Variants in GABRG3 observed in about 807,000 individuals in gnomAD.
The protein encoded by GABRG3 is gamma-aminobutyric acid receptor subunit gamma-3.
A neutral mutation model predicts 48.8 loss-of-function variants in GABRG3; 25 were observed. The ratio of observed to expected loss-of-function variants is 0.51; its 90% CI spans 0.37 to 0.72. The LOEUF is 0.72. Among genes scored for constraint, GABRG3 ranks in the 30% least tolerant of loss-of-function variants. The pLI is 0.00. For missense variants in GABRG3, 394 were observed against 577.9 expected (o/e 0.68, Z 3.26); for synonymous variants, 227 against 217.6 (o/e 1.04, Z -0.38).
At chr15:27,408,122 T>TA (rs952067767) in intron 5 of GABRG3, among the ~76,000 whole-genome samples, 12 of 151,436 alleles carry the variant, frequency 7.9e-5, no homozygotes, top group East Asian at 3.9e-4. Flanking sequence ...AATAAAGTCT[T>TA]AAAAAAAAAT....
chr15:27,026,253 A>G (rs1895981149), intron 2 of GABRG3, among the ~76,000 whole-genome samples: 1 of 152,246 alleles, frequency 6.6e-6, no homozygotes, highest in Admixed American at 6.5e-5. Context: ...TTATTGGTGT[A>G]TAGACTCACT....
At chr15:27,396,802 G>A (rs182139908) in intron 5 of GABRG3, among the ~76,000 whole-genome samples, 184 of 152,246 alleles carry the variant, frequency 1.2e-3, no homozygotes, top group Admixed American at 2.3e-3. Context: ...TTTAAAAAAA[G>A]CTCTTGATTC....
At chr15:27,446,165 C>T (rs1419041529) in intron 5 of GABRG3, among the ~76,000 whole-genome samples, 1 of 152,116 alleles carries the variant, frequency 6.6e-6, no homozygotes, top group African/African-American at 2.4e-5. Flanking sequence ...ATAATCTTGT[C>T]CATGTCTACA....
intron 5 of GABRG3, among the ~76,000 whole-genome samples, chr15:27,442,626 C>T (rs938834478): frequency 3.3e-5 from 5 of 152,174 alleles, no homozygotes; most frequent in Non-Finnish European, 7.3e-5. Flanking sequence ...ATGCAAAGCG[C>T]ACTTTGGAAA....
chr15:27,229,900 A>T (rs1452499083), intron 3 of GABRG3, among the ~76,000 whole-genome samples: 2 of 152,054 alleles, frequency 1.3e-5, no homozygotes, highest in African/African-American at 4.8e-5. Context: ...TTGGTTCCAT[A>T]TACATTTTAA....
At chr15:27,290,506 C>A (rs1179616303) in intron 3 of GABRG3, among the ~76,000 whole-genome samples, 1 of 152,098 alleles carries the variant, frequency 6.6e-6, no homozygotes, top group Non-Finnish European at 1.5e-5. Flanking sequence ...ATCATGGTGA[C>A]CACTTGTACT....
chr15:27,094,380 T>G (rs563877954), intron 3 of GABRG3, among the ~76,000 whole-genome samples: 8 of 152,194 alleles, frequency 5.3e-5, no homozygotes, highest in African/African-American at 1.7e-4. Flanking sequence ...CCAGCTGCCT[T>G]CTTAAAAAAT....
intron 5 of GABRG3, among the ~76,000 whole-genome samples, chr15:27,353,084 T>C (rs1894681675): frequency 1.3e-5 from 2 of 152,114 alleles, no homozygotes; most frequent in Admixed American, 6.5e-5. Flanking sequence ...GTCCTTGATG[T>C]TTTTCCTTCC....
At chr15:27,512,484 C>T (rs1398862148) in intron 6 of GABRG3, among the ~76,000 whole-genome samples, 4 of 152,160 alleles carry the variant, frequency 2.6e-5, no homozygotes, top group South Asian at 2.1e-4. Context: ...GCAGGACTCA[C>T]GTGGCCTGTT....
chr15:27,291,589 A>G (rs1891795176), intron 3 of GABRG3, among the ~76,000 whole-genome samples: 1 of 152,376 alleles, frequency 6.6e-6, no homozygotes, highest in South Asian at 2.1e-4. Context: ...GCTGAACTAT[A>G]CAGTCCACTT....
At chr15:27,112,099 C>G (rs369972396) in intron 3 of GABRG3, among the ~76,000 whole-genome samples, 3 of 152,268 alleles carry the variant, frequency 2.0e-5, no homozygotes, top group East Asian at 3.9e-4. Context: ...TTTTCTGACT[C>G]TCAAGCTAGT....
At chr15:27,512,973 G>C (rs1890931280) in intron 6 of GABRG3, among the ~76,000 whole-genome samples, 1 of 152,126 alleles carries the variant, frequency 6.6e-6, no homozygotes, top group South Asian at 2.1e-4. Context: ...TGTATATTAA[G>C]AACATTCCAA....
At chr15:26,972,668 C>T (rs1693003159) in intron 1 of GABRG3, among the ~76,000 whole-genome samples, 1 of 152,140 alleles carries the variant, frequency 6.6e-6, no homozygotes, top group East Asian at 1.9e-4. Context: ...GGAGGCAATG[C>T]CAGGAGGCCT....
At chr15:27,530,145 C>T (rs1198017758) in intron 9 of GABRG3, among the ~76,000 whole-genome samples, 6 of 152,158 alleles carry the variant, frequency 3.9e-5, no homozygotes, top group Non-Finnish European at 8.8e-5. Flanking sequence ...GGACAGGGGC[C>T]AGACTCCGTG....
intron 6 of GABRG3, among the ~76,000 whole-genome samples, chr15:27,500,410 AC>A (rs1890593055): frequency 6.6e-6 from 1 of 150,924 alleles, no homozygotes; most frequent in Non-Finnish European, 1.5e-5. Flanking sequence ...TACGTTTCCC[AC>A]CGCGACTCCA....
chr15:27,454,133 G>T (rs757877354), intron 5 of GABRG3, among the ~76,000 whole-genome samples: 5 of 152,208 alleles, frequency 3.3e-5, no homozygotes, highest in African/African-American at 4.8e-5. Context: ...ATTTGGGGTT[G>T]TACCTTGTTT....
chr15:27,488,501 A>G (rs892134406), intron 6 of GABRG3, among the ~76,000 whole-genome samples: 1 of 152,150 alleles, frequency 6.6e-6, no homozygotes, highest in African/African-American at 2.4e-5. Flanking sequence ...GGGGAAGACA[A>G]TTCTAGTGCC....
At chr15:27,209,232 G>A (rs1888986634) in intron 3 of GABRG3, among the ~76,000 whole-genome samples, 1 of 152,200 alleles carries the variant, frequency 6.6e-6, no homozygotes, top group Non-Finnish European at 1.5e-5. Context: ...AGGAGTTCAG[G>A]CCAGCCAGGC....
At chr15:27,321,842 A>T (rs1260777938) in intron 3 of GABRG3, among the ~76,000 whole-genome samples, 1 of 152,270 alleles carries the variant, frequency 6.6e-6, no homozygotes, top group Admixed American at 6.5e-5. Flanking sequence ...TTACAGATGG[A>T]TATTGTGAAT....
Sources: allele counts gnomAD v4.1 joint callset (sites outside exome capture counted in the v4.1 genomes callset), GRCh38; gene constraint gnomAD v4.1.1; transcripts MANE v1.5; gene names NCBI Gene and HGNC (gene_info 2026-07-23, HGNC 2026-07-21).